The following PARP8 variants were observed in gnomAD, a reference collection of about 807,000 sequenced individuals.
The protein encoded by PARP8 is protein mono-ADP-ribosyltransferase PARP8.
In PARP8, 51 loss-of-function variants were observed where a neutral mutation model predicts 124.1. The observed-to-expected ratio is 0.41, with a 90% CI of 0.33 to 0.52. The LOEUF (loss-of-function observed/expected upper bound fraction) is 0.52, where lower values mean the gene tolerates loss of function less well. Ranked by LOEUF, PARP8 falls within the 20% of genes least tolerant of loss-of-function variation. The pLI, the probability that PARP8 is intolerant of heterozygous loss-of-function variation, is 0.21. For synonymous variants in PARP8, 391 were observed against 361.5 expected, an observed-to-expected ratio of 1.08 and a Z score of -0.93; for missense variants, 860 against 1,018.9, an observed-to-expected ratio of 0.84 and a Z score of 2.12.
chr5:50,801,056 T>G (rs1743161874), intron 14 of PARP8, among the ~76,000 whole-genome samples: 1 of 151,950 alleles, frequency 6.6e-6, no homozygotes, highest in Non-Finnish European at 1.5e-5. Flanking sequence ...TCACACCTGG[T>G]GAAAAATTTT....
chr5:50,835,756 A>G (rs768977658), intron 25 of PARP8, among the ~76,000 whole-genome samples: 13 of 151,936 alleles, frequency 8.6e-5, no homozygotes, highest in Admixed American at 2.6e-4. Context: ...AATGCAGTAC[A>G]TGTCAATGTG....
chr5:50,700,794 A>G (rs1051886596), intron 2 of PARP8, among the ~76,000 whole-genome samples: 2 of 152,140 alleles, frequency 1.3e-5, no homozygotes, highest in African/African-American at 2.4e-5. Context: ...AGTAATGCTA[A>G]CTCAGCTACT....
rs1462170169 is a variant in PARP8, at chr5:50,755,936, T to C, written c.185-3707T>C. Among the ~76,000 whole-genome samples the C allele has an allele frequency of 2.6e-5, 4 of 152,154 alleles. No homozygotes were observed. The East Asian group carries it at 7.7e-4, about 29-fold the overall frequency. ...GGATTCCTAGGTATTTTATTCTCTT[T>C]GAAGCAATTATGAATGGGAGTTCAC... On this transcript the variant is annotated intron_variant, in intron 3 of 25. Coordinates refer to ENST00000281631, the MANE Select transcript of PARP8 (RefSeq NM_024615.4).
rs757563820 is a variant in PARP8 at position 50,826,680 on chromosome 5, C to T, written c.1929-75C>T. Reference sequence around the variant, plus strand: ...TGGCACAGCAAAAATAAGTTTTAATCGGTTGCCAACTAAGAAAAAGAACTT... The same window carrying T: ...TGGCACAGCAAAAATAAGTTTTAATTGGTTGCCAACTAAGAAAAAGAACTT... On this transcript the variant is annotated intron_variant, in intron 18 of 25. Transcript: ENST00000281631. 58 of 1,485,008 alleles carry T rather than the reference C, an allele frequency of 3.9e-5. 1 individual carries two copies. In the East Asian group the frequency reaches 1.1e-3, roughly 28 times the overall value. The allele number at this position is 1,485,008 out of a possible 1,614,324, so 92.0% of individuals were successfully genotyped here.
At position 50,759,233 on chromosome 5, in the gene PARP8, T is replaced by G. The variant is rs1419983430; in HGVS notation, c.185-410T>G. Among the ~76,000 whole-genome samples the G allele has an allele frequency of 3.3e-5, 5 of 152,186 alleles. No individual in the cohort carries two copies. The South Asian group carries it at 8.3e-4, about 25-fold the overall frequency. On this transcript the variant is annotated intron_variant, in intron 3 of 25. Coordinates refer to ENST00000281631, the MANE Select transcript of PARP8 (RefSeq NM_024615.4). ...TGTGCCCGGCCCACTAATAAATTTT[T>G]TTTTTATTGCAACAAATGCTCTTTT...
chr5:50,676,025 A>G (rs1431268939), intron 2 of PARP8, among the ~76,000 whole-genome samples: 2 of 152,256 alleles, frequency 1.3e-5, no homozygotes, highest in African/African-American at 4.8e-5. Flanking sequence ...AAATATGTCT[A>G]GGAAATGCTT....
intron 10 of PARP8, 72 bp downstream of exon 10, chr5:50,788,661 A>G: frequency 7.9e-7 from 1 of 1,263,662 alleles, no homozygotes; most frequent in Non-Finnish European, 1.1e-6. Flanking sequence ...TCATTAAAAC[A>G]AACAAACAAA....
intron 22 of PARP8, among the ~76,000 whole-genome samples, chr5:50,831,699 T>G (rs921044192): frequency 3.9e-5 from 6 of 152,204 alleles, no homozygotes; most frequent in African/African-American, 1.2e-4. Flanking sequence ...ATTTTCTGTT[T>G]TTTATACTGG....
chr5:50,747,451 T>G (rs1001216401), intron 2 of PARP8, among the ~76,000 whole-genome samples: 2 of 152,026 alleles, frequency 1.3e-5, no homozygotes, highest in African/African-American at 4.8e-5. Flanking sequence ...TTTTAATTTT[T>G]TTTTCTTTTT....
intron 2 of PARP8, among the ~76,000 whole-genome samples, chr5:50,727,592 C>A (rs1756555993): frequency 6.6e-6 from 1 of 152,060 alleles, no homozygotes; most frequent in Non-Finnish European, 1.5e-5. Context: ...ATGGTCTATA[C>A]CTTCCACTGT....
chr5:50,717,508 T>G (rs950036879), intron 2 of PARP8, among the ~76,000 whole-genome samples: 1 of 151,852 alleles, frequency 6.6e-6, no homozygotes, highest in Non-Finnish European at 1.5e-5. Context: ...GTGAGGTTAG[T>G]ATATAGGGAA....
intron 7 of PARP8, among the ~76,000 whole-genome samples, chr5:50,764,821 T>TC (rs1760897483): frequency 6.6e-6 from 1 of 151,908 alleles, no homozygotes; most frequent in Non-Finnish European, 1.5e-5. Flanking sequence ...TTCTTTTTTT[T>TC]TTTTTTAACA....
At chr5:50,701,658 G>A (rs1484487878) in intron 2 of PARP8, among the ~76,000 whole-genome samples, 1 of 152,052 alleles carries the variant, frequency 6.6e-6, no homozygotes, top group African/African-American at 2.4e-5. Context: ...GATAAAGTTA[G>A]TTTGGAAAGG....
chr5:50,695,006 C>T lies in PARP8; in HGVS notation c.146+26881C>T, dbSNP rs72753764. Among the ~76,000 whole-genome samples, 1,161 of 152,248 alleles carry T rather than the reference C, an allele frequency of 7.6e-3. 12 individuals are homozygous for T. The highest frequency in any genetic ancestry group is 0.012 in the Admixed American group (187 of 15,280). On this transcript the variant is annotated intron_variant, in intron 2 of 25. Coordinates refer to ENST00000281631, the MANE Select transcript of PARP8 (RefSeq NM_024615.4). Reference sequence around the variant, plus strand: ...TTCAGCAAGTCGGCTTTGTTCTAGCCGTGCTGGTAGTTGATTAGATGGTAC... The same window carrying T: ...TTCAGCAAGTCGGCTTTGTTCTAGCTGTGCTGGTAGTTGATTAGATGGTAC...
chr5:50,809,990 C>A (rs1379618634), intron 14 of PARP8, among the ~76,000 whole-genome samples: 1 of 151,922 alleles, frequency 6.6e-6, no homozygotes, highest in Non-Finnish European at 1.5e-5. Context: ...TTCTTCAGGG[C>A]TTAATACATT....
intron 25 of PARP8, among the ~76,000 whole-genome samples, chr5:50,840,297 A>G (rs953027484): frequency 3.9e-5 from 6 of 151,916 alleles, no homozygotes; most frequent in Admixed American, 6.6e-5. Flanking sequence ...GTTATACACA[A>G]TCTGCAACTT....
rs1740243065 is a variant in PARP8, at chr5:50,778,128, A to C, written c.578A>C (p.Asp193Ala). 4 of 1,595,294 alleles carry C rather than the reference A, an allele frequency of 2.5e-6. No homozygotes were observed. The highest frequency in any genetic ancestry group is 1.1e-5 in the South Asian group (1 of 88,790). Residue 193 changes from aspartate (D) to alanine (A), a missense_variant and splice_region_variant, in exon 8 of 26, where the codon GAT becomes GCT. Around this residue, in one of 2 missense-constraint regions of PARP8, gnomAD observed 517 missense variants for 544.2 expected, o/e 0.95. Coordinates refer to ENST00000281631, the MANE Select transcript of PARP8 (RefSeq NM_024615.4). Reference protein sequence around the residue: ...IDLHIDVSFLDEEIAVAWEVI... With the variant: ...IDLHIDVSFLAEEIAVAWEVI... The stretch of plus-strand genomic sequence containing the variant: ...CTGCATATCGATGTTAGCTTTCTTG[A>C]TGTAAGTATCAATTTTATGTAATAT...
intron 2 of PARP8, among the ~76,000 whole-genome samples, chr5:50,747,138 A>G (rs10038567): frequency 0.84 from 115,547 of 138,282 alleles, 48,366 homozygotes; most frequent in East Asian, 1. Flanking sequence ...TTATTCAGTT[A>G]TGGTTTTTTT....
At chr5:50,748,275 A>G (rs531773776) in intron 2 of PARP8, among the ~76,000 whole-genome samples, 2 of 152,150 alleles carry the variant, frequency 1.3e-5, no homozygotes, top group African/African-American at 4.8e-5. Flanking sequence ...ATCATTTTAC[A>G]TCATATGTAA....
Sources: gnomAD v4.1 joint callset for allele counts (sites outside exome capture counted in the v4.1 genomes callset) on GRCh38, gnomAD v4.1.1 for gene constraint, gnomAD v4.1.1 regional missense constraint, MANE v1.5 for transcripts, NCBI Gene and HGNC (gene_info 2026-07-23, HGNC 2026-07-21) for gene names.